MICU3: variants seen among roughly 807,000 people sequenced by gnomAD.
MICU3 encodes the protein mitochondrial calcium uptake 3, also known as calcium uptake protein 3, mitochondrial.
In MICU3, 62 loss-of-function variants were observed where a neutral mutation model predicts 66.5. That is an observed-to-expected ratio of 0.93 (90% CI 0.76 to 1.15). MICU3 has a LOEUF of 1.15. Ranked by LOEUF, MICU3 falls within the 50% of genes most tolerant of loss-of-function variation. The pLI is 0.00. For missense variants in MICU3, 779 were observed against 664.4 expected (o/e 1.17, Z -1.90); for synonymous variants, 308 against 240.7 (o/e 1.28, Z -2.59).
intron 6 of MICU3, among the ~76,000 whole-genome samples, chr8:17,086,336 T>C (rs1799466634): frequency 6.6e-6 from 1 of 152,018 alleles, no homozygotes; most frequent in South Asian, 2.1e-4. Flanking sequence ...CTAGTAGCCA[T>C]TCAAAGGGAA....
At chr8:17,087,808 C>T (rs562545055) in intron 7 of MICU3, among the ~76,000 whole-genome samples, 3 of 151,962 alleles carry the variant, frequency 2.0e-5, no homozygotes, top group Non-Finnish European at 4.4e-5. Flanking sequence ...TGTGTCTGGC[C>T]AACTCCAAAA....
intron 12 of MICU3, among the ~76,000 whole-genome samples, chr8:17,115,080 C>T (rs1182057764): frequency 2.7e-5 from 4 of 147,288 alleles, no homozygotes; most frequent in Non-Finnish European, 5.9e-5. Context: ...GATCCCGCCA[C>T]TGCACTCCAG....
chr8:17,107,381 A>T (rs1373284827), intron 11 of MICU3, among the ~76,000 whole-genome samples: 1 of 152,152 alleles, frequency 6.6e-6, no homozygotes, highest in African/African-American at 2.4e-5. Flanking sequence ...AGGACAGAGA[A>T]GCTTAGTTTA....
intron 9 of MICU3, among the ~76,000 whole-genome samples, chr8:17,101,610 A>G (rs1385115162): frequency 3.9e-5 from 6 of 152,014 alleles, no homozygotes; most frequent in Non-Finnish European, 5.9e-5. Context: ...TAAAACCTGT[A>G]TAAGACAAAG....
intron 1 of MICU3, among the ~76,000 whole-genome samples, chr8:17,044,362 C>A (rs1417233285): frequency 3.3e-5 from 5 of 152,156 alleles, no homozygotes; most frequent in African/African-American, 1.2e-4. Context: ...AGGAAGCAGT[C>A]TGTTAGGATC....
intron 3 of MICU3, among the ~76,000 whole-genome samples, chr8:17,076,696 A>G (rs1820432731): frequency 6.6e-6 from 1 of 152,214 alleles, no homozygotes; most frequent in Non-Finnish European, 1.5e-5. Flanking sequence ...TGCGTCAGAA[A>G]TGGTTTGTCT....
rs937818941 is a variant in MICU3, at chr8:17,120,319, A to G, written c.*32A>G. On this transcript the variant is annotated 3_prime_UTR_variant, in exon 15 of 15. Transcript: ENST00000318063. ...CTAAAACAAAGTTTAAAGGATTACT[A>G]TCTGTGTGACAAATAACAAGAAGCA... 1 of 152,134 alleles carries G rather than the reference A, an allele frequency of 6.6e-6. No individual in the cohort carries two copies. Among genetic ancestry groups the G allele is most frequent in the Non-Finnish European group, 1.5e-5 (1 of 68,008 alleles). 9.4% of individuals were successfully genotyped at this position (152,134 alleles called of 1,614,324 possible).
chr8:17,048,722 C>G (rs1377959475), intron 1 of MICU3, among the ~76,000 whole-genome samples: 2 of 152,156 alleles, frequency 1.3e-5, no homozygotes, highest in Non-Finnish European at 2.9e-5. Flanking sequence ...CTCAAGATAT[C>G]CTCTTGCCTC....
chr8:17,072,175 GT>G (rs1819683109), intron 3 of MICU3, among the ~76,000 whole-genome samples: 1 of 152,058 alleles, frequency 6.6e-6, no homozygotes, highest in African/African-American at 2.4e-5. Context: ...AATAAATAAA[GT>G]AGTATTACAT....
In MICU3 at chr8:17,027,286, G is replaced by C; in HGVS notation, c.7G>C (p.Ala3Pro). The change falls in exon 1 of 15, where the codon GCG (alanine) becomes CCG (proline). Residue 3 changes from alanine to proline, a missense_variant. By Grantham distance (27) the Ala-to-Pro change is conservative (BLOSUM62 -1). Coordinates refer to ENST00000318063, the MANE Select transcript of MICU3 (RefSeq NM_181723.3). MA[A>P]LRRLLWPPPR... ...GGTGTGGGCGGCCTCCGCTATGGCTGCGCTGCGAAGGCTCTTGTGGCCGCC... is the reference window on the plus strand; with the variant it reads ...GGTGTGGGCGGCCTCCGCTATGGCTCCGCTGCGAAGGCTCTTGTGGCCGCC... 1 of 1,470,464 alleles carries C rather than the reference G, an allele frequency of 6.8e-7. No individual in the cohort carries two copies. Among genetic ancestry groups the C allele is most frequent in the Non-Finnish European group, 8.9e-7 (1 of 1,119,634 alleles). The allele number at this position is 1,470,464 out of a possible 1,614,324, so 91.1% of individuals were successfully genotyped here.
intron 12 of MICU3, among the ~76,000 whole-genome samples, chr8:17,114,763 CTTTG>C (rs1176759503): frequency 1.3e-5 from 2 of 152,112 alleles, no homozygotes; most frequent in Admixed American, 6.5e-5. Context: ...CCTATGGGGA[CTTTG>C]TTTGTCTTAA....
At chr8:17,034,944 A>G (rs1812721045) in intron 1 of MICU3, among the ~76,000 whole-genome samples, 1 of 152,332 alleles carries the variant, frequency 6.6e-6, no homozygotes, top group East Asian at 1.9e-4. Context: ...CACCCAAGTC[A>G]TACCTTGAAG....
intron 8 of MICU3, among the ~76,000 whole-genome samples, chr8:17,094,691 T>G (rs1314264783): frequency 1.3e-5 from 2 of 151,956 alleles, no homozygotes; most frequent in Non-Finnish European, 2.9e-5. Flanking sequence ...TAACCATGGT[T>G]TGTCTATTAG....
intron 1 of MICU3, among the ~76,000 whole-genome samples, chr8:17,063,801 G>A (rs997622622): frequency 3.3e-5 from 5 of 151,994 alleles, no homozygotes; most frequent in Admixed American, 2.0e-4. Flanking sequence ...CTTTAAGACT[G>A]AAGCTTAAGA....
At chr8:17,082,587 C>G (rs189646075) in intron 5 of MICU3, among the ~76,000 whole-genome samples, 68 of 152,156 alleles carry the variant, frequency 4.5e-4, no homozygotes, top group Non-Finnish European at 7.8e-4. Flanking sequence ...ATCTCTGTAT[C>G]AAGAACAGTG....
At chr8:17,032,559 T>C (rs1812271571) in intron 1 of MICU3, among the ~76,000 whole-genome samples, 1 of 152,226 alleles carries the variant, frequency 6.6e-6, no homozygotes, top group Admixed American at 6.5e-5. Flanking sequence ...CTTTCATATC[T>C]GTAATAATTG....
intron 8 of MICU3, among the ~76,000 whole-genome samples, chr8:17,097,866 A>C (rs1800879188): frequency 6.6e-6 from 1 of 151,762 alleles, no homozygotes. Flanking sequence ...TCCTTGTAAT[A>C]AATAATAAGT....
At position 17,079,463 on chromosome 8, in the gene MICU3, A is replaced by G. The variant is rs552331718; in HGVS notation, c.646+1602A>G. 9.1e-4 allele frequency among the ~76,000 whole-genome samples: 139 copies of G among 152,278 alleles called. 7 individuals are homozygous for G. In the South Asian group the frequency reaches 0.028, roughly 31 times the overall value. On this transcript the variant is annotated intron_variant, in intron 4 of 14. Coordinates refer to ENST00000318063, the MANE Select transcript of MICU3 (RefSeq NM_181723.3). ...AAGTTAGAAGAGCCTTGCTTTTTTT[A>G]AATAGCGATTAAGTGGCAGAGAAAT... is the stretch of plus-strand genomic sequence containing the variant.
intron 1 of MICU3, among the ~76,000 whole-genome samples, chr8:17,062,689 A>G (rs1463370483): frequency 6.6e-6 from 1 of 152,118 alleles, no homozygotes; most frequent in Non-Finnish European, 1.5e-5. Flanking sequence ...GTTACTGATA[A>G]TCATGTAAAT....
Sources: allele counts gnomAD v4.1 joint callset (sites outside exome capture counted in the v4.1 genomes callset), GRCh38; gene constraint gnomAD v4.1.1; transcripts MANE v1.5; gene names NCBI Gene and HGNC (gene_info 2026-07-23, HGNC 2026-07-21).